SCNN1B: variants seen among roughly 807,000 people sequenced by gnomAD.
SCNN1B encodes the protein epithelial sodium channel subunit beta.
SCNN1B carries 46 observed loss-of-function variants against 65.3 expected under a neutral mutation model. That is an observed-to-expected ratio of 0.70 (90% CI 0.56 to 0.90). The LOEUF (loss-of-function observed/expected upper bound fraction) is 0.90, where lower values mean the gene tolerates loss of function less well. Among genes scored for constraint, SCNN1B ranks in the 40% least tolerant of loss-of-function variants. The probability of loss-of-function intolerance (pLI) is 0.00; values close to 1 mark genes in which losing one functional copy is unlikely to be tolerated. For synonymous variants in SCNN1B, 349 were observed against 330.6 expected, an observed-to-expected ratio of 1.06 and a Z score of -0.60; for missense variants, 751 against 830.5, an observed-to-expected ratio of 0.90 and a Z score of 1.18.
intron 1 of SCNN1B, among the ~76,000 whole-genome samples, chr16:23,311,749 A>G (rs748677592): frequency 2.0e-5 from 3 of 152,092 alleles, no homozygotes; most frequent in Non-Finnish European, 4.4e-5. Context: ...ATTGTTTTAG[A>G]GATTGGTGGG....
chr16:23,285,136 A>C (rs1448933556), intron 2 of SCNN1B, among the ~76,000 whole-genome samples: 1 of 152,200 alleles, frequency 6.6e-6, no homozygotes, highest in Non-Finnish European at 1.5e-5. Context: ...TAATGTATGA[A>C]CATTGGTTTC....
intron 1 of SCNN1B, among the ~76,000 whole-genome samples, chr16:23,319,494 T>C (rs1281187648): frequency 1.3e-5 from 2 of 152,222 alleles, no homozygotes; most frequent in South Asian, 4.1e-4. Context: ...AAAATCACAT[T>C]TCATGACACA....
chr16:23,379,573 G>A lies in SCNN1B; in HGVS notation c.1467-521G>A, dbSNP rs374706733. ...GCACGAGACAGCACAGCCTGAGGAC[G>A]ATCAGGTGGGAGGGGATGCCCACAC... On this transcript the variant is annotated intron_variant, in intron 11 of 12. Coordinates refer to ENST00000343070, the MANE Select transcript of SCNN1B (RefSeq NM_000336.3). 2.8e-4 allele frequency among the ~76,000 whole-genome samples: 42 copies of A among 152,272 alleles called. 2 individuals are homozygous for A. The East Asian group carries it at 6.0e-3, about 22-fold the overall frequency.
At chr16:23,329,591 G>A (rs1961768563) in intron 1 of SCNN1B, among the ~76,000 whole-genome samples, 1 of 152,176 alleles carries the variant, frequency 6.6e-6, no homozygotes, top group South Asian at 2.1e-4. Flanking sequence ...TGCAGTTGAG[G>A]AGACAGAGAC....
At chr16:23,312,373 C>A (rs928114848) in intron 1 of SCNN1B, among the ~76,000 whole-genome samples, 1 of 152,130 alleles carries the variant, frequency 6.6e-6, no homozygotes, top group Non-Finnish European at 1.5e-5. Flanking sequence ...GGGAGTCAGG[C>A]AGACTGGAGT....
intron 2 of SCNN1B, among the ~76,000 whole-genome samples, chr16:23,287,657 C>A (rs1024413651): frequency 5.9e-5 from 9 of 152,086 alleles, no homozygotes; most frequent in African/African-American, 2.2e-4. Flanking sequence ...GAAGGAGGAT[C>A]ACCTGAGCCC....
At chr16:23,364,131 A>C (rs1466736825) in intron 4 of SCNN1B, among the ~76,000 whole-genome samples, 1 of 152,172 alleles carries the variant, frequency 6.6e-6, no homozygotes, top group Non-Finnish European at 1.5e-5. Context: ...ATGCCACTAC[A>C]CTCCAGCCTG....
chr16:23,367,539 C>G (rs1404932930), intron 4 of SCNN1B, among the ~76,000 whole-genome samples: 1 of 152,228 alleles, frequency 6.6e-6, no homozygotes, highest in Non-Finnish European at 1.5e-5. Context: ...CTCAAGCGGT[C>G]CTCCCGCCTC....
At chr16:23,341,178 A>G (rs986005170) in intron 1 of SCNN1B, among the ~76,000 whole-genome samples, 6 of 152,188 alleles carry the variant, frequency 3.9e-5, no homozygotes, top group African/African-American at 1.4e-4. Flanking sequence ...TTTAAATGCT[A>G]AAACATCAGA....
chr16:23,326,908 C>A (rs1961709236), intron 1 of SCNN1B, among the ~76,000 whole-genome samples: 1 of 151,956 alleles, frequency 6.6e-6, no homozygotes. Context: ...TAACCCCTCT[C>A]CTACTCTCTC....
At chr16:23,295,587 C>T (rs1596811234) in intron 2 of SCNN1B, among the ~76,000 whole-genome samples, 2 of 150,088 alleles carry the variant, frequency 1.3e-5, no homozygotes, top group East Asian at 2.0e-4. Flanking sequence ...CCTGGCCTCA[C>T]GCAATCCTCC....
chr16:23,318,752 A>G (rs185138708), intron 1 of SCNN1B, among the ~76,000 whole-genome samples: 90 of 152,374 alleles, frequency 5.9e-4, no homozygotes, highest in African/African-American at 2.0e-3. Context: ...GTAAAAGATC[A>G]CTAAGGGCCA....
At chr16:23,279,404 G>C (rs375746399) in intron 1 of SCNN1B, among the ~76,000 whole-genome samples, 1 of 151,664 alleles carries the variant, frequency 6.6e-6, no homozygotes, top group African/African-American at 2.4e-5. Context: ...TAAAGATCAG[G>C]GTTGCCATTT....
intron 1 of SCNN1B, among the ~76,000 whole-genome samples, chr16:23,326,589 C>T (rs1459461218): frequency 2.6e-5 from 4 of 151,948 alleles, no homozygotes; most frequent in Non-Finnish European, 5.9e-5. Context: ...CTTAGCCTCC[C>T]GAGTAGCTGG....
intron 2 of SCNN1B, among the ~76,000 whole-genome samples, chr16:23,285,173 T>A (rs1430173945): frequency 3.3e-5 from 5 of 152,162 alleles, no homozygotes; most frequent in African/African-American, 9.6e-5. Context: ...TACCATATGG[T>A]CATGTTAGAC....
chr16:23,380,042 C>A lies in SCNN1B; in HGVS notation c.1467-52C>A. On this transcript the variant is annotated intron_variant, in intron 11 of 12. Transcript: ENST00000343070. This position sits in a 1 kb window ranked among gnomAD's most constrained non-coding sequence, Gnocchi z 5.4. ...TCTATGTGCGTGTGTGTGTGTCTGTCTGTTTGGAAGGGGGATACATTAGTC... is the reference window on the plus strand; with the variant it reads ...TCTATGTGCGTGTGTGTGTGTCTGTATGTTTGGAAGGGGGATACATTAGTC... 7.4e-7 allele frequency: 1 copy of A among 1,350,190 alleles called. No homozygotes were observed. Among genetic ancestry groups the A allele is most frequent in the Non-Finnish European group, 1.1e-6 (1 of 939,584 alleles). 83.6% of individuals were successfully genotyped at this position (1,350,190 alleles called of 1,614,324 possible).
At chr16:23,335,463 T>C (rs1439713882) in intron 1 of SCNN1B, among the ~76,000 whole-genome samples, 1 of 150,870 alleles carries the variant, frequency 6.6e-6, no homozygotes, top group East Asian at 1.9e-4. Context: ...TATTTTCTTT[T>C]TTTTTTTTTT....
intron 1 of SCNN1B, chr16:23,304,226 T>C: frequency 2.7e-6 from 2 of 736,578 alleles, no homozygotes; most frequent in South Asian, 1.6e-5. Flanking sequence ...TCTTTTCCAC[T>C]GCTCACATAC....
intron 1 of SCNN1B, among the ~76,000 whole-genome samples, chr16:23,340,263 C>A (rs1461130902): frequency 6.6e-6 from 1 of 152,140 alleles, no homozygotes; most frequent in Non-Finnish European, 1.5e-5. Flanking sequence ...TTTTCTCAAC[C>A]ATGTCTTTTG....
Sources: allele counts gnomAD v4.1 joint callset (sites outside exome capture counted in the v4.1 genomes callset), GRCh38; gene constraint gnomAD v4.1.1; non-coding constraint Gnocchi (gnomAD v3.1); transcripts MANE v1.5; gene names NCBI Gene and HGNC (gene_info 2026-07-23, HGNC 2026-07-21).